BCKDHB: variants seen among roughly 807,000 people sequenced by gnomAD.
BCKDHB encodes the protein branched chain keto acid dehydrogenase E1 subunit beta.
Under a neutral mutation model 48.5 loss-of-function variants are expected in BCKDHB, and 41 were observed. The observed-to-expected ratio is 0.85, with a 90% CI of 0.66 to 1.10. The LOEUF (loss-of-function observed/expected upper bound fraction) is 1.10, where lower values mean the gene tolerates loss of function less well. Ranked by LOEUF, BCKDHB falls within the 50% of genes least tolerant of loss-of-function variation. The pLI is 0.00. For synonymous variants in BCKDHB, 201 were observed against 174.8 expected (o/e 1.15, Z -1.18); for missense variants, 496 against 494.2 (o/e 1.00, Z -0.03).
chr6:80,169,930 A>AACATTAAT, intron 5 of BCKDHB: 1 of 1,513,756 alleles, frequency 6.6e-7, no homozygotes, highest in Middle Eastern at 1.8e-4. Context: ...GCTTGAGCTA[A>AACATTAAT]ACATTAATTC....
intron 9 of BCKDHB, among the ~76,000 whole-genome samples, chr6:80,342,146 A>G (rs1769937261): frequency 6.6e-6 from 1 of 152,170 alleles, no homozygotes; most frequent in African/African-American, 2.4e-5. Flanking sequence ...CTGCCCCAAT[A>G]CACTTGTCAC....
chr6:80,351,884 C>T, the BCKDHB span, among the ~76,000 whole-genome samples: 44,834 of 148,756 alleles, frequency 0.3, 6,928 homozygotes, highest in Middle Eastern at 0.34. Context: ...TGCAATGGCG[C>T]GATCTCAGCT....
chr6:80,318,381 C>A (rs1768547112), intron 9 of BCKDHB, among the ~76,000 whole-genome samples: 3 of 151,972 alleles, frequency 2.0e-5, no homozygotes, highest in African/African-American at 7.2e-5. Flanking sequence ...TGGGTTCAAC[C>A]AACCACAGAT....
At chr6:80,177,605 A>G (rs1773225720) in intron 6 of BCKDHB, among the ~76,000 whole-genome samples, 1 of 152,164 alleles carries the variant, frequency 6.6e-6, no homozygotes, top group Admixed American at 6.5e-5. Flanking sequence ...ATTCCCTGGC[A>G]TATTTTTGCC....
intron 6 of BCKDHB, among the ~76,000 whole-genome samples, chr6:80,173,104 G>C (rs528027182): frequency 1.8e-4 from 27 of 152,210 alleles, no homozygotes; most frequent in Middle Eastern, 6.8e-3. Context: ...AGAAAGATTT[G>C]AAAAAGTAAT....
At chr6:80,386,987 C>A in the BCKDHB span, among the ~76,000 whole-genome samples, 3,618 of 152,162 alleles carry the variant, frequency 0.024, 137 homozygotes, top group African/African-American at 0.083. Flanking sequence ...CCCATCCCCC[C>A]CCAAGGAGAC....
the BCKDHB span, among the ~76,000 whole-genome samples, chr6:80,396,582 A>T: frequency 3.3e-5 from 5 of 152,210 alleles, no homozygotes; most frequent in African/African-American, 4.8e-5. Flanking sequence ...TCCAAATCTC[A>T]TCTTGAATTT....
At chr6:80,458,902 A>G in the BCKDHB span, among the ~76,000 whole-genome samples, 1 of 152,108 alleles carries the variant, frequency 6.6e-6, no homozygotes, top group Non-Finnish European at 1.5e-5. Context: ...CATCAGGAAA[A>G]TGCAAATTAT....
rs541804654 is a variant in BCKDHB at position 80,135,632 on chromosome 6, G to A, written c.343+6403G>A. Among the ~76,000 whole-genome samples the A allele has an allele frequency of 5.9e-5, 9 of 152,048 alleles. No individual in the cohort carries two copies. The East Asian group carries it at 1.7e-3, about 29-fold the overall frequency. On this transcript the variant is annotated intron_variant, in intron 3 of 9. Coordinates refer to ENST00000320393, the MANE Select transcript of BCKDHB (RefSeq NM_183050.4). ...TTTAATATGCCTTTTTTTCCCCACA[G>A]TGCTTTTTTCACAAACATTAATTTA...
intron 3 of BCKDHB, among the ~76,000 whole-genome samples, chr6:80,141,200 CT>C (rs1476955436): frequency 1.3e-5 from 2 of 151,724 alleles, no homozygotes; most frequent in Non-Finnish European, 2.9e-5. Context: ...CTCTTTTCTT[CT>C]TTATTAGTCT....
the BCKDHB span, among the ~76,000 whole-genome samples, chr6:80,431,508 A>C: frequency 6.6e-6 from 1 of 152,150 alleles, no homozygotes; most frequent in Non-Finnish European, 1.5e-5. Flanking sequence ...GTGCTCCTGT[A>C]TTGGGTGCAT....
intron 8 of BCKDHB, among the ~76,000 whole-genome samples, chr6:80,233,574 A>G (rs764062767): frequency 3.3e-5 from 5 of 152,078 alleles, no homozygotes; most frequent in African/African-American, 4.8e-5. Flanking sequence ...AACCTTATTA[A>G]TCTTAATTAG....
At chr6:80,401,745 C>G in the BCKDHB span, among the ~76,000 whole-genome samples, 1 of 151,732 alleles carries the variant, frequency 6.6e-6, no homozygotes, top group African/African-American at 2.4e-5. Context: ...GCCCCCTTCC[C>G]CAAATCTTTG....
chr6:80,453,247 A>G, the BCKDHB span: 1 of 152,250 alleles, frequency 6.6e-6, no homozygotes, highest in African/African-American at 2.4e-5. Context: ...TGACTGAAGC[A>G]GCAAAGAGAA....
At chr6:80,331,077 T>C (rs1161365989) in intron 9 of BCKDHB, among the ~76,000 whole-genome samples, 1 of 152,162 alleles carries the variant, frequency 6.6e-6, no homozygotes, top group Non-Finnish European at 1.5e-5. Flanking sequence ...AAATGGCTTT[T>C]TCAGAATATT....
chr6:80,405,569 T>C, the BCKDHB span, among the ~76,000 whole-genome samples: 7 of 152,166 alleles, frequency 4.6e-5, no homozygotes, highest in Non-Finnish European at 1.0e-4. Flanking sequence ...TGCCATTTTG[T>C]TCTTTTCTGG....
At chr6:80,448,826 A>G in the BCKDHB span, among the ~76,000 whole-genome samples, 1 of 152,138 alleles carries the variant, frequency 6.6e-6, no homozygotes, top group Admixed American at 6.6e-5. Context: ...AAAACTACCT[A>G]TTGGGTACTA....
chr6:80,181,189 T>A (rs1334734312), intron 6 of BCKDHB, among the ~76,000 whole-genome samples: 1 of 152,176 alleles, frequency 6.6e-6, no homozygotes, highest in Admixed American at 6.5e-5. Flanking sequence ...GTCAGCTGGA[T>A]CCTTAACTAC....
chr6:80,146,757 G>T (rs1221330447), intron 3 of BCKDHB, among the ~76,000 whole-genome samples: 2 of 152,146 alleles, frequency 1.3e-5, no homozygotes, highest in Non-Finnish European at 2.9e-5. Context: ...GGGAGAATTG[G>T]TTGAAAATCT....
Sources: gnomAD v4.1 joint callset for allele counts (sites outside exome capture counted in the v4.1 genomes callset) on GRCh38, gnomAD v4.1.1 for gene constraint, MANE v1.5 for transcripts, NCBI Gene and HGNC (gene_info 2026-07-23, HGNC 2026-07-21) for gene names.